Variants in CDH13 observed in about 807,000 individuals in gnomAD.
CDH13 encodes cadherin-13.
Under a neutral mutation model 63.8 loss-of-function variants are expected in CDH13, and 24 were observed. The ratio of observed to expected loss-of-function variants is 0.38; its 90% confidence interval spans 0.27 to 0.53. CDH13 has a LOEUF of 0.53. CDH13 is among the 20% of genes least tolerant of loss of function. The pLI is 0.85. For missense variants in CDH13, 1,049 were observed against 903.1 expected (o/e 1.16, Z -2.07); for synonymous variants, 503 against 355.3 (o/e 1.42, Z -4.67).
intron 1 of CDH13, chr16:82,639,378 C>T: frequency 2.0e-6 from 3 of 1,535,532 alleles, no homozygotes; most frequent in East Asian, 4.9e-5. Context: ...AACCCACCTG[C>T]ACTGCATGGT....
intron 5 of CDH13, among the ~76,000 whole-genome samples, chr16:83,222,838 A>G (rs748991562): frequency 3.9e-5 from 6 of 152,252 alleles, no homozygotes; most frequent in Non-Finnish European, 7.4e-5. Flanking sequence ...TACAGGAAAT[A>G]CCCACATATG....
In CDH13 at chr16:83,637,078, A is replaced by G. The variant is rs1281665730; in HGVS notation, c.1102-33712A>G. On this transcript the variant is annotated intron_variant, in intron 8 of 13. Coordinates refer to ENST00000567109, the MANE Select transcript of CDH13 (RefSeq NM_001257.5). ...GTCTTCTCTTGAGACATGTCTGTTCATGTCCTTTGCCCTCTTTTTAATGGT... is the reference window on the plus strand; with the variant it reads ...GTCTTCTCTTGAGACATGTCTGTTCGTGTCCTTTGCCCTCTTTTTAATGGT... Among the ~76,000 whole-genome samples the G allele has an allele frequency of 2.6e-5, 4 of 152,172 alleles. 1 individual carries two copies. The highest frequency in any genetic ancestry group is 5.9e-5 in the Non-Finnish European group (4 of 68,026).
At chr16:83,170,470 T>C (rs929378658) in intron 4 of CDH13, among the ~76,000 whole-genome samples, 2 of 152,092 alleles carry the variant, frequency 1.3e-5, no homozygotes, top group Non-Finnish European at 2.9e-5. Flanking sequence ...GATACTATGT[T>C]TCATGAGGCA....
At chr16:83,328,880 C>G (rs2090425054) in intron 5 of CDH13, among the ~76,000 whole-genome samples, 1 of 152,140 alleles carries the variant, frequency 6.6e-6, no homozygotes, top group Non-Finnish European at 1.5e-5. Context: ...AAATGGAGCT[C>G]CACACTAGCA....
At chr16:83,626,469 T>C (rs1227063975) in intron 8 of CDH13, among the ~76,000 whole-genome samples, 1 of 152,160 alleles carries the variant, frequency 6.6e-6, no homozygotes, top group African/African-American at 2.4e-5. Flanking sequence ...GCCAGGGTCT[T>C]TGCTGGGGAC....
intron 6 of CDH13, among the ~76,000 whole-genome samples, chr16:83,430,449 G>C (rs779504205): frequency 2.0e-4 from 31 of 152,162 alleles, no homozygotes; most frequent in Non-Finnish European, 3.4e-4. Flanking sequence ...TAAAGTAGTT[G>C]ACTCTTATTT....
At chr16:83,176,437 G>A (rs1189347375) in intron 4 of CDH13, among the ~76,000 whole-genome samples, 1 of 151,098 alleles carries the variant, frequency 6.6e-6, no homozygotes, top group Non-Finnish European at 1.5e-5. Context: ...TTGAACCTGG[G>A]AGGCGGGGGT....
chr16:82,758,457 C>G (rs113853362), intron 1 of CDH13, among the ~76,000 whole-genome samples: 8 of 149,524 alleles, frequency 5.4e-5, no homozygotes, highest in African/African-American at 2.0e-4. Flanking sequence ...CTCCCCATTT[C>G]TTTTAGTGTC....
chr16:82,881,006 A>T (rs572639572), intron 2 of CDH13, among the ~76,000 whole-genome samples: 3 of 152,096 alleles, frequency 2.0e-5, no homozygotes, highest in African/African-American at 7.2e-5. Context: ...GTCTCTTCAT[A>T]TTTTCCTCTG....
intron 2 of CDH13, among the ~76,000 whole-genome samples, chr16:82,873,516 G>C (rs1387534146): frequency 2.0e-5 from 3 of 152,106 alleles, no homozygotes; most frequent in Non-Finnish European, 4.4e-5. Flanking sequence ...ACAGTGGTGT[G>C]GGCTCCTAGG....
intron 1 of CDH13, among the ~76,000 whole-genome samples, chr16:82,705,524 T>G (rs1207207024): frequency 6.6e-6 from 1 of 152,158 alleles, no homozygotes; most frequent in African/African-American, 2.4e-5. Context: ...CCAAGCTCAT[T>G]TGAGCAGTAG....
intron 6 of CDH13, among the ~76,000 whole-genome samples, chr16:83,408,881 C>T (rs935160295): frequency 7.2e-5 from 11 of 152,080 alleles, no homozygotes; most frequent in African/African-American, 1.9e-4. Flanking sequence ...GGTAAGGAGA[C>T]AGAGGGATGC....
At chr16:82,636,628 A>G (rs1327292437) in intron 1 of CDH13, among the ~76,000 whole-genome samples, 1 of 152,224 alleles carries the variant, frequency 6.6e-6, no homozygotes, top group Non-Finnish European at 1.5e-5. Context: ...CTGCTTCAGC[A>G]TGTTGGGTGT....
rs1567810553 is a variant in CDH13, at chr16:83,080,876, T to TTTTTTTTG, written c.367-44502_367-44501insGTTTTTTT. ...GAGTTTTGTTTTGTTTTTGTGTTTT[T>TTTTTTTTG]TTTTTTTTTTTTTTTTTTTTTTGAG... On this transcript the variant is annotated intron_variant, in intron 3 of 13. Transcript: ENST00000567109. Among the ~76,000 whole-genome samples the TTTTTTTTG allele has an allele frequency of 2.2e-4, 21 of 94,728 alleles. 1 individual carries two copies. The highest frequency in any genetic ancestry group is 6.7e-4 in the Admixed American group (6 of 8,996). The allele number at this position is 94,728 out of a possible 152,430, so 62.1% of individuals were successfully genotyped here. A position where few individuals can be genotyped will look rare whatever the true frequency, so the allele number is the denominator to read the frequency against.
intron 5 of CDH13, among the ~76,000 whole-genome samples, chr16:83,324,617 G>A (rs952424226): frequency 9.9e-5 from 15 of 152,174 alleles, no homozygotes; most frequent in African/African-American, 2.7e-4. Flanking sequence ...ATTCCACTGC[G>A]TGAATATATC....
intron 11 of CDH13, among the ~76,000 whole-genome samples, chr16:83,753,263 G>A (rs1466915241): frequency 1.3e-5 from 2 of 152,136 alleles, no homozygotes; most frequent in Non-Finnish European, 2.9e-5. Context: ...AAGTTAGTAG[G>A]CCAAGCAAGG....
intron 6 of CDH13, among the ~76,000 whole-genome samples, chr16:83,360,500 T>G (rs1380115141): frequency 6.6e-6 from 1 of 151,998 alleles, no homozygotes; most frequent in Non-Finnish European, 1.5e-5. Flanking sequence ...GGCATACACA[T>G]GCAGGCTTAT....
At chr16:82,708,980 G>A (rs765735514) in intron 1 of CDH13, among the ~76,000 whole-genome samples, 3 of 152,330 alleles carry the variant, frequency 2.0e-5, no homozygotes, top group East Asian at 3.9e-4. Context: ...CCTGAGTGAT[G>A]AGTTCATAGA....
chr16:83,533,199 G>C (rs1345790177), intron 7 of CDH13, among the ~76,000 whole-genome samples: 1 of 152,216 alleles, frequency 6.6e-6, no homozygotes, highest in East Asian at 1.9e-4. Flanking sequence ...TGTCACGCTG[G>C]AGAAGGGTAA....
Sources: gnomAD v4.1 joint callset for allele counts (sites outside exome capture counted in the v4.1 genomes callset) on GRCh38, gnomAD v4.1.1 for gene constraint, MANE v1.5 for transcripts, NCBI Gene and HGNC (gene_info 2026-07-23, HGNC 2026-07-21) for gene names.